TLE7: variants seen among roughly 807,000 people sequenced by gnomAD.
TLE7 encodes the protein transducin-like enhancer protein 7.
chr16:71,432,616 G>A (rs1380993112), intron 4 of TLE7, 49 bp downstream of exon 4: 1 of 398,686 alleles, frequency 2.5e-6, no homozygotes, highest in Non-Finnish European at 4.4e-6. Flanking sequence ...TTTCTTGATT[G>A]GGGGTAGGTG....
intron 1 of TLE7, among the ~76,000 whole-genome samples, chr16:71,441,485 C>T (rs1363044878): frequency 2.6e-5 from 4 of 152,364 alleles, no homozygotes. Flanking sequence ...CCCAGGACTC[C>T]GGCCGTGGGC....
In TLE7 at chr16:71,431,938, C is replaced by A. The variant is rs2042806085; in HGVS notation, c.674G>T (p.Gly225Val). The A allele has an allele frequency of 5.0e-6, 2 of 400,746 alleles. No homozygotes were observed. Among genetic ancestry groups the A allele is most frequent in the Non-Finnish European group, 4.4e-6 (1 of 226,302 alleles). The allele number at this position is 400,746 out of a possible 1,614,324, so 24.8% of individuals were successfully genotyped here. The change falls in exon 6 of 10, where the codon GGT becomes GTT. Residue 225 changes from glycine (G) to valine (V), a missense_variant. Physicochemically the swap from Gly to Val is moderately radical, Grantham distance 109. Coordinates refer to ENST00000561754, the MANE Select transcript of TLE7 (RefSeq NM_001367365.2). This position sits in a 1 kb window ranked among gnomAD's most constrained non-coding sequence, Gnocchi z 4.5. Reference protein sequence around the residue: ...FPDERSLITGGASQAVTLWDL... With the variant: ...FPDERSLITGVASQAVTLWDL... ...CCAGAGAGTCACGGCCTGGGACGCACCCCCTGTGATCAGGCTCCGCTCATC... is the reference window on the plus strand; with the variant it reads ...CCAGAGAGTCACGGCCTGGGACGCAACCCCTGTGATCAGGCTCCGCTCATC...
At chr16:71,434,498 C>T (rs903033610) in intron 1 of TLE7, among the ~76,000 whole-genome samples, 4 of 152,186 alleles carry the variant, frequency 2.6e-5, no homozygotes, top group African/African-American at 4.8e-5. Flanking sequence ...GACAGCCAGG[C>T]TCAATAGCTG....
At chr16:71,432,437 C>G (rs552564143) in intron 4 of TLE7, 112 bp from the exon 5 acceptor site, 1 of 397,644 alleles carries the variant, frequency 2.5e-6, no homozygotes, top group Non-Finnish European at 4.4e-6. Context: ...CCCACCCAAC[C>G]GCAGAACCTG....
intron 8 of TLE7, 126 bp downstream of exon 8, chr16:71,430,995 T>G: frequency 2.5e-6 from 1 of 399,524 alleles, no homozygotes; most frequent in Non-Finnish European, 4.4e-6. Context: ...CTTCAGGCTG[T>G]CATTCTGTGC....
chr16:71,436,391 C>A (rs936494068), intron 1 of TLE7, among the ~76,000 whole-genome samples: 2 of 152,194 alleles, frequency 1.3e-5, no homozygotes, highest in Non-Finnish European at 2.9e-5. Context: ...CAATCAATCA[C>A]CAGACGTGGC....
chr16:71,440,332 T>C lies in TLE7; in HGVS notation c.-97+1637A>G, dbSNP rs139916185. On this transcript the variant is annotated intron_variant, in intron 1 of 9. Transcript: ENST00000561754. ...TGCCACGGAATTGTACACTTTAAAA[T>C]AGCTAAGATGAGCCGGGCACCTGTA... Among the ~76,000 whole-genome samples the C allele has an allele frequency of 2.1e-3, 319 of 152,220 alleles. 13 individuals are homozygous for C. The East Asian group carries it at 0.048, about 23-fold the overall frequency.
At position 71,432,912 on chromosome 16, in the gene TLE7, G is replaced by T. The variant is rs1006246031; in HGVS notation, c.312-20C>A. ...AGGAAGCTACAACACATGGAGAGAG[G>T]GAGGGAGGAGACAGAGTGTGAGCCA... On this transcript the variant is annotated intron_variant, in intron 2 of 9. Transcript: ENST00000561754. The T allele has an allele frequency of 1.3e-5, 5 of 398,900 alleles. No individual in the cohort carries two copies. The highest frequency in any genetic ancestry group is 1.3e-4 in the South Asian group (1 of 7,872). 24.7% of individuals were successfully genotyped at this position (398,900 alleles called of 1,614,324 possible).
chr16:71,437,350 G>GA (rs57942255), intron 1 of TLE7, among the ~76,000 whole-genome samples: 9,373 of 89,598 alleles, frequency 0.1, 448 homozygotes, highest in Middle Eastern at 0.18. Flanking sequence ...CTCTGTCTCA[G>GA]AAAAAAAAAA....
In TLE7 at chr16:71,431,760, C is replaced by T; in HGVS notation, c.851+1G>A. 2.5e-6 allele frequency: 1 copy of T among 400,742 alleles called. No homozygotes were observed. Among genetic ancestry groups the T allele is most frequent in the Non-Finnish European group, 4.4e-6 (1 of 226,260 alleles). 24.8% of individuals were successfully genotyped at this position (400,742 alleles called of 1,614,324 possible). On this transcript the variant is annotated splice_donor_variant, in intron 6 of 9. Transcript: ENST00000561754. LOFTEE classifies it high-confidence loss of function. This position sits in a 1 kb window ranked among gnomAD's most constrained non-coding sequence, Gnocchi z 4.5. Reference sequence around the variant, plus strand: ...TGAGTGGCTCTGGAGAGAGGTCATACCTGATCAAGATTTGGTTCTGCAAAT... The same window carrying T: ...TGAGTGGCTCTGGAGAGAGGTCATATCTGATCAAGATTTGGTTCTGCAAAT...
At chr16:71,432,409 TAACCACCC>T (rs1390925372) in intron 4 of TLE7, 84 bp from the exon 5 acceptor site, 1 of 384,298 alleles carries the variant, frequency 2.6e-6, no homozygotes, top group African/African-American at 2.5e-5. Context: ...GCTAGATTCT[TAACCACCC>T]ACCCATCCAC....
rs571295311 is a variant in TLE7, at chr16:71,431,600, G to T, written c.852-38C>A. On this transcript the variant is annotated intron_variant, in intron 6 of 9. Coordinates refer to ENST00000561754, the MANE Select transcript of TLE7 (RefSeq NM_001367365.2). The surrounding 1 kb of genome is among the most constrained non-coding windows in gnomAD (Gnocchi z 4.5). ...AAAACAACTCAGAGGGTCACTGAATGGTTTGGGCCCCCGGGAAGTTTCAGG... is the reference window on the plus strand; with the variant it reads ...AAAACAACTCAGAGGGTCACTGAATTGTTTGGGCCCCCGGGAAGTTTCAGG... 1.2e-4 allele frequency: 47 copies of T among 400,584 alleles called. No individual in the cohort carries two copies. The highest frequency in any genetic ancestry group is 1.7e-4 in the Non-Finnish European group (38 of 226,288). The allele number at this position is 400,584 out of a possible 1,614,324, so 24.8% of individuals were successfully genotyped here.
intron 1 of TLE7, among the ~76,000 whole-genome samples, chr16:71,438,025 G>C (rs193168779): frequency 6.6e-6 from 1 of 152,200 alleles, no homozygotes; most frequent in Non-Finnish European, 1.5e-5. Flanking sequence ...AGGTCACAGA[G>C]TGCAGCGTGA....
At chr16:71,439,782 C>G (rs180858880) in intron 1 of TLE7, among the ~76,000 whole-genome samples, 2 of 152,236 alleles carry the variant, frequency 1.3e-5, no homozygotes, top group Admixed American at 1.3e-4. Flanking sequence ...ATAGGAATAC[C>G]ACGGAGCAGC....
chr16:71,440,515 G>A (rs2042843135), intron 1 of TLE7, among the ~76,000 whole-genome samples: 2 of 152,286 alleles, frequency 1.3e-5, no homozygotes, highest in African/African-American at 4.8e-5. Context: ...TAAATTTCAT[G>A]TTATGTGTAT....
chr16:71,434,505 G>A (rs1188531591), intron 1 of TLE7, among the ~76,000 whole-genome samples: 1 of 152,182 alleles, frequency 6.6e-6, no homozygotes, highest in Non-Finnish European at 1.5e-5. Flanking sequence ...AGGCTCAATA[G>A]CTGGCTCTCA....
At position 71,433,380 on chromosome 16, in the gene TLE7, C is replaced by T. The variant is rs2042814866; in HGVS notation, c.-56G>A. 2.5e-6 allele frequency: 1 copy of T among 398,522 alleles called. No individual in the cohort carries two copies. Among genetic ancestry groups the T allele is most frequent in the Non-Finnish European group, 4.4e-6 (1 of 226,082 alleles). 24.7% of individuals were successfully genotyped at this position (398,522 alleles called of 1,614,324 possible). A position where few individuals can be genotyped will look rare whatever the true frequency, so the allele number is the denominator to read the frequency against. On this transcript the variant is annotated 5_prime_UTR_variant, in exon 2 of 10. Transcript: ENST00000561754. ...CCGGTTCTAGGACTTGACAAATAGA[C>T]CCGCCAAACAGACACCAGGTTCCCA...
chr16:71,435,604 C>T (rs2042823179), intron 1 of TLE7, among the ~76,000 whole-genome samples: 1 of 152,070 alleles, frequency 6.6e-6, no homozygotes, highest in Non-Finnish European at 1.5e-5. Flanking sequence ...ACAGTGGTTG[C>T]CTTTCAGAGA....
intron 4 of TLE7, 53 bp from the exon 5 acceptor site, chr16:71,432,378 G>A (rs980370487): frequency 2.5e-6 from 1 of 398,552 alleles, no homozygotes; most frequent in Non-Finnish European, 4.4e-6. Context: ...TCATTAATAG[G>A]ACAGTCCACC....
Sources: allele counts gnomAD v4.1 joint callset (sites outside exome capture counted in the v4.1 genomes callset), GRCh38; gene constraint gnomAD v4.1.1; non-coding constraint Gnocchi (gnomAD v3.1); transcripts MANE v1.5; gene names NCBI Gene and HGNC (gene_info 2026-07-23, HGNC 2026-07-21).